TDP1: variants seen among roughly 807,000 people sequenced by gnomAD.
TDP1 encodes tyrosyl-DNA phosphodiesterase 1.
In TDP1, 64 loss-of-function variants were observed where a neutral mutation model predicts 81.5. The observed-to-expected ratio is 0.79, with a 90% confidence interval of 0.64 to 0.97. The LOEUF (loss-of-function observed/expected upper bound fraction) is 0.97, where lower values mean the gene tolerates loss of function less well. Among genes scored for constraint, TDP1 ranks in the 50% least tolerant of loss-of-function variants. TDP1 has a pLI of 0.00. For synonymous variants in TDP1, 256 were observed against 264.3 expected (o/e 0.97, Z 0.30); for missense variants, 723 against 743.8 (o/e 0.97, Z 0.33).
chr14:89,980,291 C>T, intron 7 of TDP1: 2 of 985,352 alleles, frequency 2.0e-6, no homozygotes, highest in Non-Finnish European at 2.4e-6. Flanking sequence ...ATGTGAAGTG[C>T]CAGGACTGGC....
chr14:89,954,993 G>C (rs766355342), upstream of TDP1: 10 of 397,656 alleles, frequency 2.5e-5, no homozygotes, highest in Admixed American at 4.4e-5. Context: ...CTGGTTCAAT[G>C]CCTGGTTCAT....
At chr14:89,978,258 C>G (rs1474805725) in intron 7 of TDP1, among the ~76,000 whole-genome samples, 2 of 152,236 alleles carry the variant, frequency 1.3e-5, no homozygotes, top group Admixed American at 6.5e-5. Flanking sequence ...ATTTGTGATC[C>G]CAACAAGCTC....
Position 90,023,079 on chromosome 14 carries a change from T to C in TDP1, c.1644+3661T>C, listed in dbSNP as rs765174559. On this transcript the variant is annotated intron_variant, in intron 15 of 16. Transcript: ENST00000335725. Reference sequence around the variant, plus strand: ...ATGAAGTGGAGGCTTCGTTCTCTGGTAACGCATGGATAAGCTGAGGAAACA... The same window carrying C: ...ATGAAGTGGAGGCTTCGTTCTCTGGCAACGCATGGATAAGCTGAGGAAACA... The C allele has an allele frequency of 4.0e-6, 3 of 745,968 alleles. No individual in the cohort carries two copies. The Admixed American group carries it at 5.3e-5, about 13-fold the overall frequency. 46.2% of individuals were successfully genotyped at this position (745,968 alleles called of 1,614,324 possible).
intron 16 of TDP1, 106 bp from the exon 17 acceptor site, chr14:90,042,963 TA>T: frequency 6.3e-7 from 1 of 1,584,394 alleles, no homozygotes; most frequent in Non-Finnish European, 8.6e-7. Flanking sequence ...GAAAATACTC[TA>T]CCACAGTTTA....
chr14:89,968,720 T>C (rs986291935), intron 5 of TDP1, among the ~76,000 whole-genome samples: 3 of 152,238 alleles, frequency 2.0e-5, no homozygotes, highest in African/African-American at 7.2e-5. Context: ...GGGTGTCACA[T>C]TGGCATTTTC....
Position 90,018,136 on chromosome 14 carries a change from A to G in TDP1, c.1542-1180A>G, listed in dbSNP as rs1003651429. ...TTTGACTCTCCAATTCCAGCAGACAATAGTTCCAGCACATAGCTCAGAAAA... is the reference window on the plus strand; with the variant it reads ...TTTGACTCTCCAATTCCAGCAGACAGTAGTTCCAGCACATAGCTCAGAAAA... On this transcript the variant is annotated intron_variant, in intron 14 of 16. Coordinates refer to ENST00000335725, the MANE Select transcript of TDP1 (RefSeq NM_018319.4). Among the ~76,000 whole-genome samples, 5 of 151,928 alleles carry G rather than the reference A, an allele frequency of 3.3e-5. No homozygotes were observed. In the East Asian group the frequency reaches 5.8e-4, roughly 18 times the overall value.
intron 15 of TDP1, 152 bp downstream of exon 15, chr14:90,019,570 C>T (rs1441187029): frequency 1.5e-6 from 1 of 677,018 alleles, no homozygotes; most frequent in Non-Finnish European, 2.7e-6. Flanking sequence ...CTGGTCTGTA[C>T]CTCTGAGCTT....
rs1892950971 is a variant in TDP1 at position 89,966,384 on chromosome 14, C to CT, written c.603+195dup. 2.0e-5 allele frequency among the ~76,000 whole-genome samples: 3 copies of CT among 152,300 alleles called. No individual in the cohort carries two copies. In the South Asian group the frequency reaches 6.2e-4, roughly 32 times the overall value. ...CCATCAACATAGAATGGGGATGTCA[C>CT]TATCAGGAGAGCATTTGACTCAAGT... is the stretch of plus-strand genomic sequence containing the variant. On this transcript the variant is annotated intron_variant, in intron 4 of 16. Coordinates refer to ENST00000335725, the MANE Select transcript of TDP1 (RefSeq NM_018319.4).
chr14:90,020,116 A>G (rs1206423485), intron 15 of TDP1, among the ~76,000 whole-genome samples: 1 of 152,166 alleles, frequency 6.6e-6, no homozygotes, highest in Non-Finnish European at 1.5e-5. Context: ...CACCAGAAAG[A>G]GTGGCTGTGT....
At chr14:89,967,779 C>T (rs35028161) in intron 5 of TDP1, among the ~76,000 whole-genome samples, 2,624 of 152,266 alleles carry the variant, frequency 0.017, 68 homozygotes, top group African/African-American at 0.059. Flanking sequence ...CCATGCTTTC[C>T]GTAGCACATC....
intron 12 of TDP1, among the ~76,000 whole-genome samples, chr14:89,990,575 G>T (rs1896071568): frequency 6.3e-5 from 7 of 111,224 alleles, no homozygotes; most frequent in Admixed American, 2.1e-4. Flanking sequence ...TTTTTTAATG[G>T]CAAAACCAAA....
chr14:89,980,089 T>G, intron 7 of TDP1: 1 of 910,232 alleles, frequency 1.1e-6, no homozygotes, highest in Non-Finnish European at 1.3e-6. Context: ...AAAACAAAAT[T>G]TCATGAACCA....
rs1012345331 is a variant in TDP1, at chr14:90,000,632, A to G, written c.1541+7149A>G. Among the ~76,000 whole-genome samples, 6 of 152,088 alleles carry G rather than the reference A, an allele frequency of 3.9e-5. No individual in the cohort carries two copies. In the East Asian group the frequency reaches 7.7e-4, roughly 20 times the overall value. ...ACTCCCGACCTCAGATGATCCGCCCACCTCGGCCCCCCAAAGTGCTGGGAT... is the reference window on the plus strand; with the variant it reads ...ACTCCCGACCTCAGATGATCCGCCCGCCTCGGCCCCCCAAAGTGCTGGGAT... On this transcript the variant is annotated intron_variant, in intron 14 of 16. Transcript: ENST00000335725.
At chr14:90,041,436 G>C (rs989120752) in intron 16 of TDP1, among the ~76,000 whole-genome samples, 4 of 152,226 alleles carry the variant, frequency 2.6e-5, no homozygotes, top group African/African-American at 9.7e-5. Context: ...ATGATTTGCT[G>C]CCATCTTTGG....
intron 14 of TDP1, among the ~76,000 whole-genome samples, chr14:90,004,585 C>A (rs1169455879): frequency 1.3e-5 from 2 of 152,162 alleles, no homozygotes; most frequent in Non-Finnish European, 2.9e-5. Context: ...AGGATTTAGA[C>A]CCAGATAGTC....
intron 14 of TDP1, among the ~76,000 whole-genome samples, chr14:90,006,565 C>G (rs1288837026): frequency 2.0e-5 from 3 of 151,642 alleles, no homozygotes; most frequent in Non-Finnish European, 4.4e-5. Context: ...GAGACAGAGT[C>G]TTGCTCTGTC....
intron 16 of TDP1, among the ~76,000 whole-genome samples, chr14:90,039,459 G>A (rs1888143564): frequency 6.6e-6 from 1 of 152,078 alleles, no homozygotes; most frequent in East Asian, 1.9e-4. Flanking sequence ...AAAAGTGACT[G>A]CTCAGGCGAA....
chr14:90,031,819 C>A lies in TDP1; in HGVS notation c.1645-1287C>A, dbSNP rs534213289. The stretch of plus-strand genomic sequence containing the variant: ...CACTCCCACCTGACCAAACTCTGCT[C>A]ATCTTTCAGAGTTTAATAAAGGTGT... On this transcript the variant is annotated intron_variant, in intron 15 of 16. Transcript: ENST00000335725. Among the ~76,000 whole-genome samples the A allele has an allele frequency of 1.5e-4, 23 of 152,296 alleles. No individual in the cohort carries two copies. In the East Asian group the frequency reaches 4.4e-3, roughly 29 times the overall value.
intron 14 of TDP1, among the ~76,000 whole-genome samples, chr14:90,003,866 A>G (rs1484767371): frequency 6.6e-6 from 1 of 152,210 alleles, no homozygotes; most frequent in African/African-American, 2.4e-5. Context: ...ATTACTATGC[A>G]GTACTCCTTC....
Sources: gnomAD v4.1 joint callset for allele counts (sites outside exome capture counted in the v4.1 genomes callset) on GRCh38, gnomAD v4.1.1 for gene constraint, MANE v1.5 for transcripts, NCBI Gene and HGNC (gene_info 2026-07-23, HGNC 2026-07-21) for gene names.